Variants in NWD2 observed in about 807,000 individuals in gnomAD.
NWD2 encodes the protein NACHT and WD repeat domain-containing protein 2.
Under a neutral mutation model 132.7 loss-of-function variants are expected in NWD2, and 37 were observed. That is an observed-to-expected ratio of 0.28 (90% CI 0.21 to 0.37). NWD2 has a LOEUF of 0.37. Ranked by LOEUF, NWD2 falls within the 10% of genes least tolerant of loss-of-function variation. The pLI is 1.00. For missense variants in NWD2, 1,592 were observed against 2,122.4 expected (o/e 0.75, Z 4.91); for synonymous variants, 705 against 803.0 (o/e 0.88, Z 2.06).
At chr4:37,300,057 T>C (rs1718581795) in intron 1 of NWD2, among the ~76,000 whole-genome samples, 1 of 152,148 alleles carries the variant, frequency 6.6e-6, no homozygotes, top group Non-Finnish European at 1.5e-5. Flanking sequence ...CTAGAAGATA[T>C]CTCCTCCTTC....
chr4:37,438,963 G>A lies in NWD2; in HGVS notation c.869G>A (p.Arg290Gln), dbSNP rs1424864224. ...DITGTEPRII[R>Q]DPEAQEKLIK... Reference sequence around the variant, plus strand: ...ACTGGAACAGAACCGAGGATTATTCGGGACCCAGAAGCCCAAGAGAAGCTG... The same window carrying A: ...ACTGGAACAGAACCGAGGATTATTCAGGACCCAGAAGCCCAAGAGAAGCTG... Residue 290 changes from arginine (R) to glutamine (Q), a missense_variant, in exon 6 of 7, where the codon CGG becomes CAG. This residue lies in a region of NWD2 where 1,071 missense variants were observed against 1,398.0 expected (regional missense o/e 0.77). Transcript: ENST00000309447. 46 of 1,551,812 alleles carry A rather than the reference G, an allele frequency of 3.0e-5. No homozygotes were observed. Among genetic ancestry groups the A allele is most frequent in the Non-Finnish European group, 3.8e-5 (44 of 1,147,048 alleles).
At chr4:37,273,328 C>A (rs1285925470) in intron 1 of NWD2, among the ~76,000 whole-genome samples, 5 of 151,926 alleles carry the variant, frequency 3.3e-5, no homozygotes, top group Admixed American at 3.3e-4. Flanking sequence ...TCAAAAGAGA[C>A]AAACAAGGCC....
intron 2 of NWD2, among the ~76,000 whole-genome samples, chr4:37,337,382 G>C (rs1719430423): frequency 6.6e-6 from 1 of 152,004 alleles, no homozygotes; most frequent in Non-Finnish European, 1.5e-5. Context: ...CCATGTGCTG[G>C]TCCCAGCCCT....
rs566002688 is a variant in NWD2 at position 37,280,811 on chromosome 4, A to T, written c.151+35593A>T. Among the ~76,000 whole-genome samples, 11 of 152,268 alleles carry T rather than the reference A, an allele frequency of 7.2e-5. No homozygotes were observed. In the East Asian group the frequency reaches 2.1e-3, roughly 29 times the overall value. ...GACCCAGAAGAAAGTGCATTTACAG[A>T]ATTAGAGAAAGCACCCTAAGGGGAC... On this transcript the variant is annotated intron_variant, in intron 1 of 6. Coordinates refer to ENST00000309447, the MANE Select transcript of NWD2 (RefSeq NM_001144990.2).
At position 37,319,389 on chromosome 4, in the gene NWD2, C is replaced by T. The variant is rs149721051; in HGVS notation, c.152-6547C>T. On this transcript the variant is annotated intron_variant, in intron 1 of 6. Transcript: ENST00000309447. ...CTGGATATTAGACATTTGTCAGATGCATAGTTTGTGAATATTTTCTCCCAT... is the reference window on the plus strand; with the variant it reads ...CTGGATATTAGACATTTGTCAGATGTATAGTTTGTGAATATTTTCTCCCAT... Among the ~76,000 whole-genome samples the T allele has an allele frequency of 2.6e-5, 4 of 152,228 alleles. No homozygotes were observed. In the East Asian group the frequency reaches 5.8e-4, roughly 22 times the overall value.
chr4:37,355,679 A>G (rs973369437), intron 2 of NWD2, among the ~76,000 whole-genome samples: 6 of 152,212 alleles, frequency 3.9e-5, no homozygotes, highest in African/African-American at 1.2e-4. Context: ...CAAAGAGTGA[A>G]CTTGTGAAAG....
chr4:37,430,421 T>A (rs1019692805), intron 3 of NWD2, 151 bp from the exon 4 acceptor site: 9 of 622,976 alleles, frequency 1.4e-5, no homozygotes. Context: ...ACTTAGGAAA[T>A]CAACTATCCA....
intron 1 of NWD2, among the ~76,000 whole-genome samples, chr4:37,265,448 G>A (rs1717728898): frequency 6.6e-6 from 1 of 152,060 alleles, no homozygotes; most frequent in Non-Finnish European, 1.5e-5. Context: ...CTTGAGTTCT[G>A]GAGGTCAGAA....
At chr4:37,357,103 A>C (rs567126835) in intron 3 of NWD2, among the ~76,000 whole-genome samples, 2 of 152,120 alleles carry the variant, frequency 1.3e-5, no homozygotes, top group African/African-American at 4.8e-5. Context: ...GCAGTAAGAT[A>C]AATAGGTCAT....
At chr4:37,258,989 T>C (rs1041006613) in intron 1 of NWD2, among the ~76,000 whole-genome samples, 4 of 152,202 alleles carry the variant, frequency 2.6e-5, no homozygotes, top group Admixed American at 2.0e-4. Context: ...GAGTCCCCTC[T>C]TAACACTCCA....
intron 1 of NWD2, among the ~76,000 whole-genome samples, chr4:37,322,179 G>A (rs978250842): frequency 1.1e-4 from 16 of 152,150 alleles, no homozygotes; most frequent in African/African-American, 3.9e-4. Flanking sequence ...CCAATCATTA[G>A]AGATGCAGCC....
At chr4:37,358,116 A>G (rs1251544515) in intron 3 of NWD2, among the ~76,000 whole-genome samples, 2 of 152,178 alleles carry the variant, frequency 1.3e-5, no homozygotes, top group East Asian at 3.9e-4. Flanking sequence ...ATTGGGAACC[A>G]TCGATTTTGG....
chr4:37,337,733 G>A (rs1295854932), intron 2 of NWD2, among the ~76,000 whole-genome samples: 1 of 152,104 alleles, frequency 6.6e-6, no homozygotes, highest in Non-Finnish European at 1.5e-5. Flanking sequence ...TTCTGTACAT[G>A]AGTAATCTTT....
At chr4:37,247,719 C>T (rs1189356193) in intron 1 of NWD2, among the ~76,000 whole-genome samples, 2 of 152,056 alleles carry the variant, frequency 1.3e-5, no homozygotes, top group African/African-American at 4.8e-5. Flanking sequence ...AAGCTATTCT[C>T]CTGCCTCAGC....
At chr4:37,365,865 A>T (rs956819390) in intron 3 of NWD2, among the ~76,000 whole-genome samples, 6 of 152,240 alleles carry the variant, frequency 3.9e-5, no homozygotes, top group African/African-American at 1.4e-4. Flanking sequence ...GAAAAAGTGG[A>T]CGGGAGAGTA....
intron 3 of NWD2, among the ~76,000 whole-genome samples, chr4:37,400,565 T>C (rs1720879391): frequency 6.6e-6 from 1 of 152,210 alleles, no homozygotes. Context: ...TCTCAAACAT[T>C]TCATTTCAGT....
chr4:37,335,465 A>G (rs771887526), intron 2 of NWD2, among the ~76,000 whole-genome samples: 2 of 152,096 alleles, frequency 1.3e-5, no homozygotes, highest in African/African-American at 4.8e-5. Context: ...TCCCTCCCCC[A>G]CTAACTGGGA....
At chr4:37,270,446 G>T (rs182968303) in intron 1 of NWD2, among the ~76,000 whole-genome samples, 1 of 151,858 alleles carries the variant, frequency 6.6e-6, no homozygotes, top group Admixed American at 6.6e-5. Context: ...TAGCTTCCCT[G>T]TCCAGAGTCA....
At chr4:37,400,741 G>C (rs965932842) in intron 3 of NWD2, among the ~76,000 whole-genome samples, 1 of 152,184 alleles carries the variant, frequency 6.6e-6, no homozygotes, top group African/African-American at 2.4e-5. Flanking sequence ...TGCATTTCTT[G>C]AAATGAGAAT....
Sources: gnomAD v4.1 joint callset for allele counts (sites outside exome capture counted in the v4.1 genomes callset) on GRCh38, gnomAD v4.1.1 for gene constraint, gnomAD v4.1.1 regional missense constraint, MANE v1.5 for transcripts, NCBI Gene and HGNC (gene_info 2026-07-23, HGNC 2026-07-21) for gene names.